Variants in WASHC2A observed in about 807,000 individuals in gnomAD.
The protein encoded by WASHC2A is WASH complex subunit 2A.
Under a neutral mutation model 140.3 loss-of-function variants are expected in WASHC2A, and 82 were observed. The observed-to-expected ratio is 0.58, with a 90% CI of 0.49 to 0.70. WASHC2A has a LOEUF of 0.70. Among genes scored for constraint, WASHC2A ranks in the 30% least tolerant of loss-of-function variants. WASHC2A has a pLI of 0.00. For synonymous variants in WASHC2A, 340 were observed against 560.8 expected, an observed-to-expected ratio of 0.61 and a Z score of 5.56; for missense variants, 985 against 1,521.8, an observed-to-expected ratio of 0.65 and a Z score of 5.87.
intron 8 of WASHC2A, among the ~76,000 whole-genome samples, chr10:50,087,825 A>T (rs1839516094): frequency 6.6e-6 from 1 of 151,790 alleles, no homozygotes; most frequent in East Asian, 1.9e-4. Context: ...TATTATTATT[A>T]TTTTTTTGAG....
intron 28 of WASHC2A, 55 bp from the exon 29 acceptor site, chr10:50,129,364 G>T: frequency 6.2e-7 from 1 of 1,612,014 alleles, no homozygotes; most frequent in Non-Finnish European, 8.5e-7. Flanking sequence ...TGCCATGGTA[G>T]CTTTGAACAC....
intron 21 of WASHC2A, among the ~76,000 whole-genome samples, chr10:50,116,649 G>A (rs1291181497): frequency 1.3e-5 from 2 of 151,110 alleles, no homozygotes; most frequent in African/African-American, 4.9e-5. Flanking sequence ...GTGAGTCCAG[G>A]ATGTTCCACA....
intron 3 of WASHC2A, among the ~76,000 whole-genome samples, chr10:50,076,707 A>G (rs1564747000): frequency 5.5e-5 from 8 of 146,236 alleles, no homozygotes; most frequent in Admixed American, 4.7e-4. Flanking sequence ...GCCGGGCACA[A>G]TGGCTCACAC....
At chr10:50,128,103 G>A (rs995246288) in intron 28 of WASHC2A, among the ~76,000 whole-genome samples, 13 of 151,248 alleles carry the variant, frequency 8.6e-5, no homozygotes, top group African/African-American at 2.4e-4. Flanking sequence ...TAACCACAGA[G>A]CAGATCATGC....
chr10:50,117,838 G>A, intron 21 of WASHC2A, 68 bp from the exon 22 acceptor site: 1 of 865,298 alleles, frequency 1.2e-6, no homozygotes, highest in Admixed American at 2.4e-5. Context: ...GGCTTGTTCT[G>A]TATATGGCCA....
At chr10:50,115,288 T>C (rs1292086210) in intron 21 of WASHC2A, among the ~76,000 whole-genome samples, 1 of 39,454 alleles carries the variant, frequency 2.5e-5, no homozygotes, top group African/African-American at 9.9e-5. Flanking sequence ...GACCAAAAGG[T>C]TAAACCACAG....
At chr10:50,091,577 G>C in intron 10 of WASHC2A, 59 bp downstream of exon 10, 1 of 1,539,158 alleles carries the variant, frequency 6.5e-7, no homozygotes, top group Non-Finnish European at 8.8e-7. Flanking sequence ...CCCTCTGCTG[G>C]CTTCACCAAA....
At chr10:50,094,961 C>CA (rs1240645231) in intron 13 of WASHC2A, among the ~76,000 whole-genome samples, 187 bp from the exon 14 acceptor site, 50 of 148,996 alleles carry the variant, frequency 3.4e-4, no homozygotes, top group African/African-American at 9.9e-4. Context: ...GTGTTAATCC[C>CA]CAAAAAAAAG....
chr10:50,133,199 G>A lies in WASHC2A; in HGVS notation c.*254G>A. ...GTTTGATTTAGTTAGCCTTGCTGGGGCCATAATATGCTTCAGGGTGTGTAA... is the reference window on the plus strand; with the variant it reads ...GTTTGATTTAGTTAGCCTTGCTGGGACCATAATATGCTTCAGGGTGTGTAA... On this transcript the variant is annotated 3_prime_UTR_variant, in exon 31 of 31. Coordinates refer to ENST00000282633, the MANE Select transcript of WASHC2A (RefSeq NM_001005751.3). 1.7e-6 allele frequency: 1 copy of A among 605,412 alleles called. No individual in the cohort carries two copies. Among genetic ancestry groups the A allele is most frequent in the Non-Finnish European group, 3.0e-6 (1 of 335,796 alleles). 37.5% of individuals were successfully genotyped at this position (605,412 alleles called of 1,614,324 possible).
chr10:50,071,934 A>T, intron 3 of WASHC2A, among the ~76,000 whole-genome samples: 1 of 141,398 alleles, frequency 7.1e-6, no homozygotes, highest in African/African-American at 2.6e-5. Flanking sequence ...TCCGAGACAG[A>T]GTCTTGCTCT....
At chr10:50,099,155 A>G (rs1159023827) in intron 16 of WASHC2A, among the ~76,000 whole-genome samples, 1 of 152,052 alleles carries the variant, frequency 6.6e-6, no homozygotes, top group Non-Finnish European at 1.5e-5. Flanking sequence ...ATTAGTTGGC[A>G]TTCTTCTGAA....
chr10:50,126,264 G>C, intron 26 of WASHC2A, 85 bp downstream of exon 26: 1 of 1,609,298 alleles, frequency 6.2e-7, no homozygotes, highest in Non-Finnish European at 8.5e-7. Context: ...CAGTTATTCA[G>C]ACTTGTCTGC....
At chr10:50,089,493 A>G (rs1284564536) in intron 8 of WASHC2A, among the ~76,000 whole-genome samples, 3 of 151,890 alleles carry the variant, frequency 2.0e-5, no homozygotes, top group South Asian at 4.2e-4. Context: ...CTTAACAGAT[A>G]AGGCTAAGTT....
chr10:50,098,803 A>G (rs1360852187), intron 16 of WASHC2A, among the ~76,000 whole-genome samples: 40 of 147,642 alleles, frequency 2.7e-4, no homozygotes, highest in African/African-American at 9.0e-4. Flanking sequence ...TTTCCTATGA[A>G]TAGATTCAGG....
At chr10:50,127,254 C>T (rs1435660768) in intron 27 of WASHC2A, 32 bp downstream of exon 27, 1 of 1,611,700 alleles carries the variant, frequency 6.2e-7, no homozygotes, top group African/African-American at 1.3e-5. Flanking sequence ...TCATTGCCTG[C>T]CCTGTGGCAT....
rs1843540207 is a variant in WASHC2A, at chr10:50,127,514, T to C, written c.2875-69T>C. 5 of 1,611,828 alleles carry C rather than the reference T, an allele frequency of 3.1e-6. No homozygotes were observed. The Admixed American group carries it at 5.0e-5, about 16-fold the overall frequency. On this transcript the variant is annotated intron_variant, in intron 27 of 30. Coordinates refer to ENST00000282633, the MANE Select transcript of WASHC2A (RefSeq NM_001005751.3). ...ACATTATGTGCACCGAATCTTGTCA[T>C]GTGTCACAATAAAGATAATAGACTG... is the stretch of plus-strand genomic sequence containing the variant.
At chr10:50,090,070 A>G (rs1350315630) in intron 8 of WASHC2A, among the ~76,000 whole-genome samples, 1 of 151,310 alleles carries the variant, frequency 6.6e-6, no homozygotes, top group African/African-American at 2.4e-5. Flanking sequence ...AGATCACCCC[A>G]TTGCACTTCA....
intron 5 of WASHC2A, among the ~76,000 whole-genome samples, chr10:50,083,245 C>G (rs1351240489): frequency 8.6e-6 from 1 of 116,272 alleles, no homozygotes; most frequent in African/African-American, 3.6e-5. Flanking sequence ...AGTGATCCAT[C>G]TGCCTCAGCC....
At chr10:50,069,945 C>G (rs1245268721) in intron 3 of WASHC2A, among the ~76,000 whole-genome samples, 1 of 152,158 alleles carries the variant, frequency 6.6e-6, no homozygotes, top group Non-Finnish European at 1.5e-5. Context: ...GTGCTTCCAT[C>G]TTTTGTCGTT....
Sources: allele counts gnomAD v4.1 joint callset (sites outside exome capture counted in the v4.1 genomes callset), GRCh38; gene constraint gnomAD v4.1.1; transcripts MANE v1.5; gene names NCBI Gene and HGNC (gene_info 2026-07-23, HGNC 2026-07-21).